EFNA5: variants seen among roughly 807,000 people sequenced by gnomAD.
The protein encoded by EFNA5 is ephrin A5.
In EFNA5, 5 loss-of-function variants were observed where a neutral mutation model predicts 22.9. The ratio of observed to expected loss-of-function variants is 0.22; its 90% CI spans 0.11 to 0.46. The LOEUF (loss-of-function observed/expected upper bound fraction) is 0.46, where lower values mean the gene tolerates loss of function less well. Among genes scored for constraint, EFNA5 ranks in the 20% least tolerant of loss-of-function variants. The pLI is 0.99. For synonymous variants in EFNA5, 113 were observed against 112.2 expected (o/e 1.01, Z -0.04); for missense variants, 237 against 293.3 (o/e 0.81, Z 1.40).
intron 1 of EFNA5, among the ~76,000 whole-genome samples, chr5:107,467,047 A>G (rs1370443394): frequency 1.3e-5 from 2 of 152,164 alleles, no homozygotes; most frequent in Admixed American, 1.3e-4. Flanking sequence ...GAAGATTACT[A>G]AGAGGTTACA....
intron 1 of EFNA5, among the ~76,000 whole-genome samples, chr5:107,560,501 T>C (rs531001480): frequency 1.3e-5 from 2 of 152,206 alleles, no homozygotes; most frequent in East Asian, 3.8e-4. Context: ...TATTACCCAC[T>C]TGTCCTTCTT....
At chr5:107,420,241 A>C (rs1748617761) in intron 2 of EFNA5, among the ~76,000 whole-genome samples, 1 of 152,176 alleles carries the variant, frequency 6.6e-6, no homozygotes, top group South Asian at 2.1e-4. Context: ...CTGAACTAAA[A>C]TATCAATCTG....
At chr5:107,616,987 C>T (rs1244767490) in intron 1 of EFNA5, among the ~76,000 whole-genome samples, 1 of 152,036 alleles carries the variant, frequency 6.6e-6, no homozygotes, top group Non-Finnish European at 1.5e-5. Context: ...GGGCAGAGAG[C>T]ACATTAGCAG....
chr5:107,578,009 T>C (rs773186012), intron 1 of EFNA5, among the ~76,000 whole-genome samples: 1 of 152,164 alleles, frequency 6.6e-6, no homozygotes, highest in Non-Finnish European at 1.5e-5. Flanking sequence ...TTATAAAAGA[T>C]TTCTCTCGAA....
chr5:107,561,296 C>T (rs1423952508), intron 1 of EFNA5, among the ~76,000 whole-genome samples: 1 of 152,176 alleles, frequency 6.6e-6, no homozygotes, highest in Non-Finnish European at 1.5e-5. Flanking sequence ...ATAAACTCTG[C>T]TATGCTACCT....
At chr5:107,583,210 TCCTAAGAGTGACTTTCTCTC>T (rs963025888) in intron 1 of EFNA5, among the ~76,000 whole-genome samples, 1 of 152,150 alleles carries the variant, frequency 6.6e-6, no homozygotes, top group African/African-American at 2.4e-5. Flanking sequence ...GTTCTCAATG[TCCTAAGAGTGACTTTCTCTC>T]CCTAAAAAAT....
chr5:107,409,812 T>A (rs190738205), intron 2 of EFNA5, among the ~76,000 whole-genome samples: 4 of 152,258 alleles, frequency 2.6e-5, no homozygotes, highest in African/African-American at 7.2e-5. Flanking sequence ...ACTTACTAGG[T>A]ACAAGTATGT....
At chr5:107,500,309 G>A (rs761671818) in intron 1 of EFNA5, among the ~76,000 whole-genome samples, 7 of 152,220 alleles carry the variant, frequency 4.6e-5, no homozygotes, top group East Asian at 3.9e-4. Flanking sequence ...GATCTTTTAC[G>A]TTTTCCCTAC....
intron 1 of EFNA5, among the ~76,000 whole-genome samples, chr5:107,476,057 T>TATACATATATATATA: frequency 1.0e-5 from 1 of 100,428 alleles, no homozygotes; most frequent in African/African-American, 5.0e-5. Context: ...TATATATATA[T>TATACATATATATATA]TTTTTTTTTT....
Position 107,508,006 on chromosome 5 carries a change from AT to A in EFNA5, c.126-80498del, listed in dbSNP as rs369736368. On this transcript the variant is annotated intron_variant, in intron 1 of 4. Transcript: ENST00000333274. ...ACCATTAAAGGATAAGAATCTGAAG[AT>A]TTTTTTTGAAAGACTAATTTTCAGG... Among the ~76,000 whole-genome samples the A allele has an allele frequency of 4.3e-3, 661 of 152,096 alleles. 5 individuals are homozygous for A. The highest frequency in any genetic ancestry group is 0.015 in the African/African-American group (616 of 41,492).
At chr5:107,585,554 T>C (rs540224054) in intron 1 of EFNA5, among the ~76,000 whole-genome samples, 1 of 152,292 alleles carries the variant, frequency 6.6e-6, no homozygotes, top group Non-Finnish European at 1.5e-5. Context: ...CCATTTCTTA[T>C]CTAAAAAGCA....
chr5:107,614,334 A>G (rs1749873336), intron 1 of EFNA5, among the ~76,000 whole-genome samples: 1 of 152,178 alleles, frequency 6.6e-6, no homozygotes, highest in African/African-American at 2.4e-5. Flanking sequence ...TAGTGTTGAC[A>G]ATGTTTAAAT....
chr5:107,450,670 T>C (rs1009066682), intron 1 of EFNA5, among the ~76,000 whole-genome samples: 6 of 152,246 alleles, frequency 3.9e-5, no homozygotes, highest in African/African-American at 1.4e-4. Flanking sequence ...ATCCACTAAA[T>C]ACGCCAACAA....
chr5:107,650,622 T>G (rs945881512), intron 1 of EFNA5, among the ~76,000 whole-genome samples: 1 of 152,222 alleles, frequency 6.6e-6, no homozygotes, highest in Non-Finnish European at 1.5e-5. Context: ...AAAGGTATAT[T>G]GTTATTATGT....
At position 107,536,841 on chromosome 5, in the gene EFNA5, T is replaced by TCC. The variant is rs1243188193; in HGVS notation, c.126-109333_126-109332insGG. ...AGATTTTTCGGCCGGGTGCAGTGGG[T>TCC]CAGGCCTGTAATCCCAGCACTTTGG... On this transcript the variant is annotated intron_variant, in intron 1 of 4. Transcript: ENST00000333274. Among the ~76,000 whole-genome samples the TCC allele has an allele frequency of 3.3e-5, 5 of 152,274 alleles. No homozygotes were observed. The East Asian group carries it at 9.7e-4, about 29-fold the overall frequency.
chr5:107,553,939 T>C (rs758143804), intron 1 of EFNA5, among the ~76,000 whole-genome samples: 2 of 152,226 alleles, frequency 1.3e-5, no homozygotes, highest in South Asian at 4.1e-4. Context: ...CCACACATCA[T>C]TATATTTTCT....
chr5:107,627,919 T>G (rs1750175644), intron 1 of EFNA5, among the ~76,000 whole-genome samples: 1 of 152,204 alleles, frequency 6.6e-6, no homozygotes, highest in South Asian at 2.1e-4. Context: ...ATACTTAGTT[T>G]CAAAATACAT....
intron 1 of EFNA5, among the ~76,000 whole-genome samples, chr5:107,615,579 A>T (rs1365045451): frequency 6.6e-6 from 1 of 152,238 alleles, no homozygotes; most frequent in East Asian, 1.9e-4. Context: ...ATGAATTCAA[A>T]AAGATTAGAT....
intron 1 of EFNA5, among the ~76,000 whole-genome samples, chr5:107,450,046 A>G (rs1257384108): frequency 6.6e-6 from 1 of 152,140 alleles, no homozygotes; most frequent in Non-Finnish European, 1.5e-5. Flanking sequence ...GGGGAAGCAA[A>G]TCATCTCCTT....
Sources: allele counts gnomAD v4.1 joint callset (sites outside exome capture counted in the v4.1 genomes callset), GRCh38; gene constraint gnomAD v4.1.1; transcripts MANE v1.5; gene names NCBI Gene and HGNC (gene_info 2026-07-23, HGNC 2026-07-21).